Variants in TRIM44 observed in about 807,000 individuals in gnomAD.
TRIM44 encodes tripartite motif containing 44.
A neutral mutation model predicts 37.4 loss-of-function variants in TRIM44; 13 were observed. That is an observed-to-expected ratio of 0.35 (90% CI 0.23 to 0.55). The LOEUF is 0.55. Ranked by LOEUF, TRIM44 falls within the 20% of genes least tolerant of loss-of-function variation. The pLI is 0.89. For missense variants in TRIM44, 426 were observed against 437.2 expected (o/e 0.97, Z 0.23); for synonymous variants, 175 against 157.2 (o/e 1.11, Z -0.85).
chr11:35,768,696 A>G (rs909043642), intron 4 of TRIM44, among the ~76,000 whole-genome samples: 3 of 152,236 alleles, frequency 2.0e-5, no homozygotes, highest in Non-Finnish European at 4.4e-5. Context: ...TTTTTCTCCC[A>G]TGGTGACCTA....
At chr11:35,688,666 A>G (rs1397789728) in intron 2 of TRIM44, among the ~76,000 whole-genome samples, 1 of 152,222 alleles carries the variant, frequency 6.6e-6, no homozygotes, top group Non-Finnish European at 1.5e-5. Flanking sequence ...AACATTTGTC[A>G]GACATCTTCT....
chr11:35,758,777 A>G (rs1852683093), intron 4 of TRIM44, among the ~76,000 whole-genome samples: 1 of 152,204 alleles, frequency 6.6e-6, no homozygotes, highest in Non-Finnish European at 1.5e-5. Flanking sequence ...TTGGCTGGAT[A>G]TGAAATTCTG....
chr11:35,678,838 G>C (rs1851493878), intron 1 of TRIM44, among the ~76,000 whole-genome samples: 1 of 152,132 alleles, frequency 6.6e-6, no homozygotes, highest in African/African-American at 2.4e-5. Flanking sequence ...GGCCTCAAAT[G>C]ATCCACCCAC....
At chr11:35,731,515 G>T (rs781514999) in intron 3 of TRIM44, among the ~76,000 whole-genome samples, 91 of 151,948 alleles carry the variant, frequency 6.0e-4, no homozygotes, top group Admixed American at 9.8e-4. Flanking sequence ...AAGGCATATT[G>T]GTTTATATAT....
chr11:35,703,948 G>T (rs1027253418), intron 2 of TRIM44, among the ~76,000 whole-genome samples: 4 of 152,144 alleles, frequency 2.6e-5, no homozygotes, highest in Non-Finnish European at 5.9e-5. Flanking sequence ...GGCTTCAGAC[G>T]ATCAAACTAC....
At chr11:35,792,111 A>ACACACACACACACTCTCTCT (rs796092540) in intron 4 of TRIM44, among the ~76,000 whole-genome samples, 115 of 114,354 alleles carry the variant, frequency 1.0e-3, no homozygotes, top group Non-Finnish European at 1.5e-3. Flanking sequence ...ACACACACAC[A>ACACACACACACACTCTCTCT]CTCTCTCTCA....
intron 2 of TRIM44, among the ~76,000 whole-genome samples, chr11:35,686,849 C>T (rs1296897403): frequency 3.9e-5 from 6 of 152,210 alleles, no homozygotes; most frequent in East Asian, 3.9e-4. Context: ...TGAGCCACCA[C>T]ACCTGGCCAC....
rs188435718 is a variant in TRIM44 at position 35,816,634 on chromosome 11, A to G, written c.*10249A>G. ...CACTTGACCCTAGTGTTGCATCTTC[A>G]CAAAAAAGAGCAATGTGCCGTCTTC... On this transcript the variant is annotated 3_prime_UTR_variant, in exon 5 of 5. Coordinates refer to ENST00000299413, the MANE Select transcript of TRIM44 (RefSeq NM_017583.6). 1.3e-5 allele frequency: 2 copies of G among 152,202 alleles called. No homozygotes were observed. Among genetic ancestry groups the G allele is most frequent in the East Asian group, 1.9e-4 (1 of 5,206 alleles). 9.4% of individuals were successfully genotyped at this position (152,202 alleles called of 1,614,324 possible).
rs192979768 is a variant in TRIM44 at position 35,712,014 on chromosome 11, G to A, written c.748-13910G>A. Among the ~76,000 whole-genome samples the A allele has an allele frequency of 2.3e-3, 347 of 152,306 alleles. 6 individuals are homozygous for A. Among genetic ancestry groups the A allele is most frequent in the Admixed American group, 0.021 (323 of 15,300 alleles). On this transcript the variant is annotated intron_variant, in intron 2 of 4. Transcript: ENST00000299413. ...TAAAGGGCCATTGATACCTGTTTGA[G>A]TGATAATGACTTGCAAATAAATTGA...
intron 4 of TRIM44, among the ~76,000 whole-genome samples, chr11:35,801,066 T>C (rs759482838): frequency 7.9e-5 from 12 of 152,188 alleles, no homozygotes; most frequent in Non-Finnish European, 1.3e-4. Flanking sequence ...CAGGTGAGTG[T>C]GGGACAGAGG....
chr11:35,753,206 G>T (rs181038419), intron 4 of TRIM44, among the ~76,000 whole-genome samples: 3 of 152,286 alleles, frequency 2.0e-5, no homozygotes, highest in East Asian at 1.9e-4. Context: ...ATACAATTGG[G>T]GGGGGAGTTA....
chr11:35,718,583 T>G (rs1041879686), intron 2 of TRIM44, among the ~76,000 whole-genome samples: 1 of 152,182 alleles, frequency 6.6e-6, no homozygotes, highest in Non-Finnish European at 1.5e-5. Flanking sequence ...CATATCATTA[T>G]CACCCAAAGT....
At chr11:35,743,208 G>C (rs1371697580) in intron 4 of TRIM44, among the ~76,000 whole-genome samples, 3 of 152,158 alleles carry the variant, frequency 2.0e-5, no homozygotes, top group Non-Finnish European at 4.4e-5. Flanking sequence ...GTGAATAACT[G>C]CATGACTGGC....
At chr11:35,739,668 A>G (rs1430050784) in intron 4 of TRIM44, among the ~76,000 whole-genome samples, 1 of 152,140 alleles carries the variant, frequency 6.6e-6, no homozygotes, top group African/African-American at 2.4e-5. Flanking sequence ...GGAGCAGCCA[A>G]CTAAGCCTGC....
At chr11:35,685,208 G>A in intron 1 of TRIM44, 51 bp from the exon 2 acceptor site, 7 of 1,479,694 alleles carry the variant, frequency 4.7e-6, no homozygotes, top group African/African-American at 1.4e-5. Context: ...GTTTGTGTTT[G>A]AGAGAGCAAC....
intron 4 of TRIM44, among the ~76,000 whole-genome samples, chr11:35,773,513 G>A (rs1470723274): frequency 1.3e-5 from 2 of 152,058 alleles, no homozygotes; most frequent in African/African-American, 4.8e-5. Flanking sequence ...GGGTACATGT[G>A]CATAAGGTAC....
intron 4 of TRIM44, among the ~76,000 whole-genome samples, chr11:35,788,766 A>T (rs1027503636): frequency 2.6e-5 from 4 of 152,194 alleles, no homozygotes; most frequent in African/African-American, 9.6e-5. Flanking sequence ...GTGATTAGCC[A>T]CCAGAGGCCT....
rs550870341 is a variant in TRIM44 at position 35,706,611 on chromosome 11, C to T, written c.748-19313C>T. 4.5e-3 allele frequency among the ~76,000 whole-genome samples: 685 copies of T among 152,224 alleles called. 10 individuals carry two copies. The highest frequency in any genetic ancestry group is 0.014 in the African/African-American group (578 of 41,534). On this transcript the variant is annotated intron_variant, in intron 2 of 4. Transcript: ENST00000299413. ...TGGGAAGCAAGGCTGGTTCAATATACGCAAATCAATAAATGTAATCTAGCA... is the reference window on the plus strand; with the variant it reads ...TGGGAAGCAAGGCTGGTTCAATATATGCAAATCAATAAATGTAATCTAGCA...
At chr11:35,718,689 T>C (rs1808828624) in intron 2 of TRIM44, among the ~76,000 whole-genome samples, 1 of 152,120 alleles carries the variant, frequency 6.6e-6, no homozygotes, top group Non-Finnish European at 1.5e-5. Flanking sequence ...GTAGTTTCAC[T>C]GCCCTAAAAA....
Sources: gnomAD v4.1 joint callset for allele counts (sites outside exome capture counted in the v4.1 genomes callset) on GRCh38, gnomAD v4.1.1 for gene constraint, MANE v1.5 for transcripts, NCBI Gene and HGNC (gene_info 2026-07-23, HGNC 2026-07-21) for gene names.